Variants in TECRL observed in about 807,000 individuals in gnomAD.
TECRL encodes trans-2,3-enoyl-CoA reductase-like.
A neutral mutation model predicts 52.8 loss-of-function variants in TECRL; 63 were observed. The observed-to-expected ratio is 1.19, with a 90% CI of 0.97 to 1.47. The LOEUF (loss-of-function observed/expected upper bound fraction) is 1.47. Among genes scored for constraint, TECRL ranks in the 40% most tolerant of loss-of-function variants. The probability of loss-of-function intolerance (pLI) is 0.00; values close to 1 mark genes in which losing one functional copy is unlikely to be tolerated. For missense variants in TECRL, 482 were observed against 429.6 expected, an observed-to-expected ratio of 1.12 and a Z score of -1.08; for synonymous variants, 164 against 141.9, an observed-to-expected ratio of 1.16 and a Z score of -1.10.
chr4:64,401,400 C>T lies in TECRL; in HGVS notation c.234+7718G>A, dbSNP rs368768118. Among the ~76,000 whole-genome samples, 34 of 152,214 alleles carry T rather than the reference C, an allele frequency of 2.2e-4. No homozygotes were observed. The South Asian group carries it at 6.4e-3, about 29-fold the overall frequency. On this transcript the variant is annotated intron_variant, in intron 1 of 11. Transcript: ENST00000381210. ...AAACTTTCTTCCTGGGTTGCTCTTTCGACCTCAACCAGGCTAATGTTCTAT... is the reference window on the plus strand; with the variant it reads ...AAACTTTCTTCCTGGGTTGCTCTTTTGACCTCAACCAGGCTAATGTTCTAT...
Position 64,299,998 on chromosome 4 carries a change from G to C in TECRL, c.750C>G (p.Ile250Met). The C allele has an allele frequency of 6.3e-7, 1 of 1,581,894 alleles. No homozygotes were observed. Among genetic ancestry groups the C allele is most frequent in the Non-Finnish European group, 8.6e-7 (1 of 1,161,268 alleles). Residue 250 changes from isoleucine (I) to methionine (M), a missense_variant, in exon 8 of 12, where the codon ATC (isoleucine) becomes ATG (methionine). Transcript: ENST00000381210. ...CCAGAAAATTGATAGCAGATACTGT[G>C]ATTTGCCTGTTTCCAAATGCTGGAG... Reference protein sequence around the residue: ...YTPPSFGNRQITVSAINFLIC... With the variant: ...YTPPSFGNRQMTVSAINFLIC...
At chr4:64,408,761 C>A (rs1367427002) in intron 1 of TECRL, among the ~76,000 whole-genome samples, 1 of 151,896 alleles carries the variant, frequency 6.6e-6, no homozygotes, top group African/African-American at 2.4e-5. Context: ...TTTGTATATA[C>A]AATGAAGTAC....
Position 64,374,581 on chromosome 4 carries a change from G to T in TECRL, c.286+591C>A, listed in dbSNP as rs1229572679. Among the ~76,000 whole-genome samples the T allele has an allele frequency of 4.6e-5, 7 of 151,770 alleles. No homozygotes were observed. In the East Asian group the frequency reaches 9.7e-4, roughly 21 times the overall value. ...CCCCGCTCCCCCCACCCCACCACAG[G>T]CCCCGGTGTGTGATGTTCCCCTTCC... On this transcript the variant is annotated intron_variant, in intron 2 of 11. Transcript: ENST00000381210.
chr4:64,276,965 G>C (rs148031307), downstream of TECRL: 1,895 of 1,201,656 alleles, frequency 1.6e-3, 19 homozygotes, highest in African/African-American at 0.024. Context: ...GGCTGCTACA[G>C]GATTATACCT....
intron 2 of TECRL, among the ~76,000 whole-genome samples, chr4:64,343,237 A>G (rs1375880534): frequency 6.6e-6 from 1 of 152,148 alleles, no homozygotes; most frequent in African/African-American, 2.4e-5. Context: ...ATTGTGATAC[A>G]GTGTATATTA....
intron 2 of TECRL, among the ~76,000 whole-genome samples, chr4:64,373,818 C>A (rs1276668455): frequency 2.7e-5 from 4 of 150,104 alleles, no homozygotes; most frequent in Non-Finnish European, 5.9e-5. Flanking sequence ...ACAAAGGTGG[C>A]AATTCAATTA....
intron 1 of TECRL, among the ~76,000 whole-genome samples, chr4:64,386,080 G>A (rs1048071540): frequency 6.6e-6 from 1 of 152,060 alleles, no homozygotes; most frequent in African/African-American, 2.4e-5. Context: ...CCTCTAGTCA[G>A]CCATCCTGAA....
chr4:64,326,506 C>T (rs1390415390), intron 3 of TECRL, among the ~76,000 whole-genome samples: 2 of 152,100 alleles, frequency 1.3e-5, no homozygotes, highest in Non-Finnish European at 2.9e-5. Context: ...TGATCATTTG[C>T]TATTTCCAAA....
intron 2 of TECRL, among the ~76,000 whole-genome samples, chr4:64,361,147 G>T (rs545607301): frequency 5.3e-4 from 80 of 152,208 alleles, no homozygotes; most frequent in African/African-American, 1.9e-3. Context: ...CTTGTCAGTG[G>T]TCACTGCCAT....
rs527891168 is a variant in TECRL, at chr4:64,397,166, G to A, written c.234+11952C>T. Among the ~76,000 whole-genome samples the A allele has an allele frequency of 6.9e-4, 105 of 152,070 alleles. 1 individual carries two copies. In the South Asian group the frequency reaches 0.018, roughly 27 times the overall value. On this transcript the variant is annotated intron_variant, in intron 1 of 11. Coordinates refer to ENST00000381210, the MANE Select transcript of TECRL (RefSeq NM_001010874.5). ...ATTAGTGTGTCATGCACATTTTCAG[G>A]TTTCTATGTAGGGAGATTGCCTTCA...
At chr4:64,375,994 C>T (rs1161270430) in intron 1 of TECRL, among the ~76,000 whole-genome samples, 3 of 151,562 alleles carry the variant, frequency 2.0e-5, no homozygotes, top group Non-Finnish European at 3.0e-5. Flanking sequence ...AATAAGCATA[C>T]GATACTAGTG....
rs1279575857 is a variant in TECRL at position 64,360,145 on chromosome 4, G to T, written c.286+15027C>A. 3.3e-5 allele frequency among the ~76,000 whole-genome samples: 5 copies of T among 152,094 alleles called. No individual in the cohort carries two copies. The East Asian group carries it at 9.6e-4, about 29-fold the overall frequency. ...TTGATTGATAATATGTCTTACATCAGATATATTTGAAATGTAGATTCCTCC... is the reference window on the plus strand; with the variant it reads ...TTGATTGATAATATGTCTTACATCATATATATTTGAAATGTAGATTCCTCC... On this transcript the variant is annotated intron_variant, in intron 2 of 11. Transcript: ENST00000381210.
At chr4:64,363,025 A>G (rs570882217) in intron 2 of TECRL, among the ~76,000 whole-genome samples, 65 of 152,200 alleles carry the variant, frequency 4.3e-4, no homozygotes, top group Non-Finnish European at 7.8e-4. Context: ...AAAAAAAAAA[A>G]AGAAGTGGTT....
intron 2 of TECRL, among the ~76,000 whole-genome samples, 182 bp downstream of exon 2, chr4:64,374,990 C>T (rs1307265201): frequency 6.6e-6 from 1 of 151,938 alleles, no homozygotes; most frequent in Non-Finnish European, 1.5e-5. Flanking sequence ...ATTAAAGGAT[C>T]AATTAGAGTT....
At chr4:64,289,919 T>C (rs976007748) in intron 8 of TECRL, 152 bp from the exon 9 acceptor site, 5 of 480,382 alleles carry the variant, frequency 1.0e-5, no homozygotes, top group Admixed American at 4.4e-5. Context: ...GAAATTTTTT[T>C]TAATTATAAC....
chr4:64,352,007 G>A (rs555012089), intron 2 of TECRL, among the ~76,000 whole-genome samples: 1 of 150,772 alleles, frequency 6.6e-6, no homozygotes, highest in African/African-American at 2.4e-5. Flanking sequence ...GCCCTGAAAA[G>A]AAAAATTGAA....
At chr4:64,313,425 A>G (rs994606509) in intron 5 of TECRL, among the ~76,000 whole-genome samples, 1 of 151,518 alleles carries the variant, frequency 6.6e-6, no homozygotes, top group South Asian at 2.1e-4. Flanking sequence ...TTATTTTCAC[A>G]ATATGCTAAA....
intron 9 of TECRL, among the ~76,000 whole-genome samples, chr4:64,282,809 A>G (rs960784029): frequency 1.3e-5 from 2 of 152,052 alleles, no homozygotes; most frequent in African/African-American, 2.4e-5. Flanking sequence ...AAGTATACAC[A>G]GTTGCTGTTA....
chr4:64,352,392 G>GA (rs1720462774), intron 2 of TECRL, among the ~76,000 whole-genome samples: 1 of 152,076 alleles, frequency 6.6e-6, no homozygotes, highest in East Asian at 1.9e-4. Flanking sequence ...AGATAGATAA[G>GA]TGGATAGATA....
Sources: allele counts gnomAD v4.1 joint callset (sites outside exome capture counted in the v4.1 genomes callset), GRCh38; gene constraint gnomAD v4.1.1; transcripts MANE v1.5; gene names NCBI Gene and HGNC (gene_info 2026-07-23, HGNC 2026-07-21).